Variants in EP300 observed in about 807,000 individuals in gnomAD.
EP300 encodes the protein histone acetyltransferase p300.
A neutral mutation model predicts 264.0 loss-of-function variants in EP300; 31 were observed. The ratio of observed to expected loss-of-function variants is 0.12; its 90% CI spans 0.09 to 0.16. EP300 has a LOEUF of 0.16. Ranked by LOEUF, EP300 falls within the 10% of genes least tolerant of loss-of-function variation. EP300 has a pLI of 1.00. For missense variants in EP300, 2,766 were observed against 3,052.9 expected (o/e 0.91, Z 2.21); for synonymous variants, 1,340 against 1,045.4 (o/e 1.28, Z -5.44).
At chr22:41,159,360 CA>C (rs2059095593) in intron 19 of EP300, 1 of 152,132 alleles carries the variant, frequency 6.6e-6, no homozygotes, top group Non-Finnish European at 1.5e-5. Flanking sequence ...CTTTTATTTA[CA>C]AAAAGTTAGG....
chr22:41,116,390 G>C (rs2145695324), intron 1 of EP300, among the ~76,000 whole-genome samples: 2 of 152,038 alleles, frequency 1.3e-5, no homozygotes, highest in Non-Finnish European at 2.9e-5. Flanking sequence ...AGCAGGCCCT[G>C]GTGTCTGATG....
At chr22:41,113,147 T>G (rs2058802596) in intron 1 of EP300, among the ~76,000 whole-genome samples, 1 of 124,350 alleles carries the variant, frequency 8.0e-6, no homozygotes, top group East Asian at 2.6e-4. Flanking sequence ...CTTGTTTGAA[T>G]CAGGATTCCA....
chr22:41,113,179 TG>T (rs926466829), intron 1 of EP300, among the ~76,000 whole-genome samples: 1 of 126,658 alleles, frequency 7.9e-6, no homozygotes, highest in African/African-American at 3.0e-5. Flanking sequence ...ACTTATGCTA[TG>T]GATTTGTTGG....
chr22:41,135,730 C>T, intron 6 of EP300, 83 bp from the exon 7 acceptor site: 1 of 1,104,570 alleles, frequency 9.1e-7, no homozygotes, highest in Non-Finnish European at 1.4e-6. Flanking sequence ...TCTGATTTGT[C>T]ATTTGTTTCT....
At position 41,167,580 on chromosome 22, in the gene EP300, GTGTGTATATATATATATATATATATATA is replaced by G. The variant is rs1293605599; in HGVS notation, c.3875-867_3875-840del. 1.8e-3 allele frequency among the ~76,000 whole-genome samples: 53 copies of G among 30,184 alleles called. 1 individual carries two copies. Among genetic ancestry groups the G allele is most frequent in the African/African-American group, 5.1e-3 (44 of 8,686 alleles). The allele number at this position is 30,184 out of a possible 152,430, so 19.8% of individuals were successfully genotyped here. ...TATATTTGTGTGTGTGTGTGTGTGT[GTGTGTATATATATATATATATATATATA>G]TATATATATATATATATATATATAT... On this transcript the variant is annotated intron_variant, in intron 23 of 30. Coordinates refer to ENST00000263253, the MANE Select transcript of EP300 (RefSeq NM_001429.4).
intron 21 of EP300, 23 bp downstream of exon 21, chr22:41,162,802 G>A (rs754664099): frequency 1.2e-6 from 2 of 1,600,898 alleles, no homozygotes; most frequent in Non-Finnish European, 1.7e-6. Context: ...CCCTTGAATA[G>A]TCAGTACGCT....
intron 15 of EP300, 62 bp from the exon 16 acceptor site, chr22:41,152,144 C>CA: frequency 3.8e-6 from 6 of 1,590,784 alleles, no homozygotes; most frequent in Non-Finnish European, 5.2e-6. Flanking sequence ...AAAGGGTGTT[C>CA]AGATTACTGA....
At chr22:41,128,510 T>A (rs1177668550) in intron 4 of EP300, among the ~76,000 whole-genome samples, 6 of 152,152 alleles carry the variant, frequency 3.9e-5, no homozygotes, top group African/African-American at 4.8e-5. Flanking sequence ...TATTTTATTT[T>A]ATTTATTTGT....
At chr22:41,100,976 A>C (rs1238105137) in intron 1 of EP300, among the ~76,000 whole-genome samples, 1 of 152,250 alleles carries the variant, frequency 6.6e-6, no homozygotes, top group Non-Finnish European at 1.5e-5. Context: ...AATAGAAATG[A>C]AAATCAGCAG....
chr22:41,135,776 A>G (rs1369650351), intron 6 of EP300, 37 bp from the exon 7 acceptor site: 1 of 1,456,466 alleles, frequency 6.9e-7, no homozygotes, highest in African/African-American at 1.4e-5. Context: ...TGGCTGTTGT[A>G]TTTATTTCTG....
intron 1 of EP300, chr22:41,107,937 C>G (rs1388540007): frequency 6.6e-6 from 1 of 151,982 alleles, no homozygotes; most frequent in Non-Finnish European, 1.5e-5. Context: ...CTCCCGACCT[C>G]AGGTGATAGC....
At position 41,099,253 on chromosome 22, in the gene EP300, A is replaced by G. The variant is rs566116006; in HGVS notation, c.94+6155A>G. ...TAATTTTTGTATTTTTAGTAGAGAC[A>G]GGGAGTCCTGACCTCGTGATCCACC... On this transcript the variant is annotated intron_variant, in intron 1 of 30. Coordinates refer to ENST00000263253, the MANE Select transcript of EP300 (RefSeq NM_001429.4). Among the ~76,000 whole-genome samples, 3 of 152,066 alleles carry G rather than the reference A, an allele frequency of 2.0e-5. No individual in the cohort carries two copies. In the East Asian group the frequency reaches 5.8e-4, roughly 29 times the overall value.
At chr22:41,143,585 GT>G (rs557236490) in intron 10 of EP300, among the ~76,000 whole-genome samples, 9 of 147,670 alleles carry the variant, frequency 6.1e-5, no homozygotes, top group African/African-American at 9.9e-5. Context: ...TTTTGTTTTT[GT>G]TTTTTTTTTG....
chr22:41,132,670 A>G (rs2058927348), intron 6 of EP300, among the ~76,000 whole-genome samples: 1 of 152,102 alleles, frequency 6.6e-6, no homozygotes, highest in South Asian at 2.1e-4. Context: ...TTTTGACTTG[A>G]GGCATTTTGG....
At chr22:41,148,881 T>G in intron 12 of EP300, 157 bp from the exon 13 acceptor site, 2 of 904,476 alleles carry the variant, frequency 2.2e-6, no homozygotes, top group Non-Finnish European at 3.4e-6. Flanking sequence ...GTTCTACAAC[T>G]TTCTTCCTTC....
At position 41,178,361 on chromosome 22, in the gene EP300, T is replaced by C; in HGVS notation, c.6650T>C (p.Val2217Ala). The change falls in exon 31 of 31, where the codon GTT becomes GCT. Residue 2217 changes from valine to alanine, a missense_variant. Val to Ala is a moderately conservative substitution (Grantham distance 64, BLOSUM62 0). Coordinates refer to ENST00000263253, the MANE Select transcript of EP300 (RefSeq NM_001429.4). ...NHNQFQQPQG[V>A]GYPPQQQQRM... The stretch of plus-strand genomic sequence containing the variant: ...AACCAGTTCCAGCAACCCCAAGGAG[T>C]TGGCTACCCACCACAGCAGCAGCAG... 2 of 1,613,240 alleles carry C rather than the reference T, an allele frequency of 1.2e-6. No individual in the cohort carries two copies. Among genetic ancestry groups the C allele is most frequent in the Non-Finnish European group, 1.7e-6 (2 of 1,179,800 alleles).
chr22:41,140,615 C>T (rs1032004352), intron 9 of EP300, among the ~76,000 whole-genome samples: 5 of 151,820 alleles, frequency 3.3e-5, no homozygotes, highest in Non-Finnish European at 5.9e-5. Context: ...GAGACCAGCC[C>T]GGGCAACATA....
intron 6 of EP300, among the ~76,000 whole-genome samples, chr22:41,133,584 C>G (rs1318754345): frequency 1.3e-5 from 2 of 152,166 alleles, no homozygotes; most frequent in African/African-American, 4.8e-5. Flanking sequence ...ATCCAAAAAT[C>G]AAAATGCTGC....
At chr22:41,116,335 T>C (rs2058821331) in intron 1 of EP300, among the ~76,000 whole-genome samples, 1 of 152,146 alleles carries the variant, frequency 6.6e-6, no homozygotes, top group Non-Finnish European at 1.5e-5. Context: ...TCATCTACAT[T>C]AGGTATTTGT....
Sources: gnomAD v4.1 joint callset for allele counts (sites outside exome capture counted in the v4.1 genomes callset) on GRCh38, gnomAD v4.1.1 for gene constraint, MANE v1.5 for transcripts, NCBI Gene and HGNC (gene_info 2026-07-23, HGNC 2026-07-21) for gene names.